Variants in SNX8 observed in about 807,000 individuals in gnomAD.
SNX8 encodes the protein sorting nexin-8.
A neutral mutation model predicts 51.6 loss-of-function variants in SNX8; 25 were observed. The observed-to-expected ratio is 0.48, with a 90% CI of 0.35 to 0.68. The LOEUF (loss-of-function observed/expected upper bound fraction) is 0.68. Among genes scored for constraint, SNX8 ranks in the 30% least tolerant of loss-of-function variants. The pLI is 0.00. For missense variants in SNX8, 695 were observed against 624.0 expected (o/e 1.11, Z -1.21); for synonymous variants, 324 against 277.0 (o/e 1.17, Z -1.68).
chr7:2,341,468 C>T (rs767673112), intron 1 of SNX8, among the ~76,000 whole-genome samples: 7 of 152,062 alleles, frequency 4.6e-5, no homozygotes, highest in Non-Finnish European at 7.4e-5. Flanking sequence ...TACTGCACTC[C>T]AGCCTGGGCA....
chr7:2,271,769 C>A, intron 4 of SNX8, 81 bp downstream of exon 4: 1 of 1,500,252 alleles, frequency 6.7e-7, no homozygotes, highest in Non-Finnish European at 9.0e-7. Flanking sequence ...GATAAGAAAC[C>A]ACACCTGAGA....
chr7:2,322,649 G>A (rs532442353), intron 1 of SNX8, among the ~76,000 whole-genome samples: 82 of 151,584 alleles, frequency 5.4e-4, no homozygotes, highest in African/African-American at 1.7e-3. Context: ...AGCCATAATC[G>A]CGCCACTGCA....
At chr7:2,345,220 T>A (rs755592508) in intron 1 of SNX8, among the ~76,000 whole-genome samples, 3 of 152,110 alleles carry the variant, frequency 2.0e-5, no homozygotes, top group Non-Finnish European at 2.9e-5. Flanking sequence ...GTGAAGTGAA[T>A]AAGAAATTGT....
chr7:2,301,786 C>G (rs1253509386), intron 1 of SNX8, among the ~76,000 whole-genome samples: 1 of 152,152 alleles, frequency 6.6e-6, no homozygotes, highest in East Asian at 1.9e-4. Flanking sequence ...GCTATCCAGG[C>G]CCTGCCTCCA....
chr7:2,344,641 G>A (rs2115248247), intron 1 of SNX8, among the ~76,000 whole-genome samples: 1 of 147,934 alleles, frequency 6.8e-6, no homozygotes, highest in African/African-American at 2.5e-5. Context: ...TAAAGTGGCT[G>A]GGTGTGGTGG....
intron 7 of SNX8, among the ~76,000 whole-genome samples, chr7:2,261,740 G>A (rs189923869): frequency 1.9e-4 from 29 of 152,236 alleles, no homozygotes; most frequent in African/African-American, 6.5e-4. Context: ...ACAGAAGCAC[G>A]GGGGCGGAAG....
At chr7:2,332,794 G>GGAGGGAAAGAA (rs1778761393) in intron 1 of SNX8, among the ~76,000 whole-genome samples, 1 of 146,910 alleles carries the variant, frequency 6.8e-6, no homozygotes, top group African/African-American at 2.5e-5. Flanking sequence ...AAAGAAGGAA[G>GGAGGGAAAGAA]GGAAGGAAGA....
At chr7:2,349,414 T>C (rs1317581195) in intron 1 of SNX8, among the ~76,000 whole-genome samples, 1 of 151,930 alleles carries the variant, frequency 6.6e-6, no homozygotes, top group African/African-American at 2.4e-5. Context: ...TAGTTTATTT[T>C]TTTCACCCTA....
At chr7:2,315,357 C>G (rs887843117), upstream of SNX8, among the ~76,000 whole-genome samples, 1 of 150,300 alleles carries the variant, frequency 6.7e-6, no homozygotes, top group Non-Finnish European at 1.5e-5. Context: ...TGCATTCACT[C>G]ATTCACTCAC....
intron 4 of SNX8, 42 bp from the exon 5 acceptor site, chr7:2,269,681 A>AGCTTTCTTGCT: frequency 1.4e-6 from 2 of 1,384,224 alleles, no homozygotes; most frequent in Non-Finnish European, 2.0e-6. Flanking sequence ...TTCTACTAGC[A>AGCTTTCTTGCT]GCAAGAAAGC....
At chr7:2,303,022 C>T (rs548881320) in intron 1 of SNX8, among the ~76,000 whole-genome samples, 72 of 151,884 alleles carry the variant, frequency 4.7e-4, no homozygotes, top group African/African-American at 1.6e-3. Context: ...GGGGTCAGCC[C>T]CCGCCAGGCC....
chr7:2,318,606 G>C (rs1177568816), upstream of SNX8, among the ~76,000 whole-genome samples: 2 of 151,606 alleles, frequency 1.3e-5, no homozygotes, highest in African/African-American at 4.8e-5. Context: ...TGAGGCAGGA[G>C]ATTGCTTGAA....
At chr7:2,313,240 A>G (rs1346819554) in intron 1 of SNX8, among the ~76,000 whole-genome samples, 1 of 151,900 alleles carries the variant, frequency 6.6e-6, no homozygotes, top group African/African-American at 2.4e-5. Context: ...AGAGAAATAC[A>G]AGAGGCCAGG....
chr7:2,284,494 C>G (rs10282554), intron 1 of SNX8, among the ~76,000 whole-genome samples: 1 of 150,364 alleles, frequency 6.7e-6, no homozygotes, highest in Non-Finnish European at 1.5e-5. Flanking sequence ...CTCCGCCTCC[C>G]GGGTTTAAGC....
At chr7:2,313,545 GAAAAGA>G (rs1796702181) in intron 1 of SNX8, among the ~76,000 whole-genome samples, 1 of 148,716 alleles carries the variant, frequency 6.7e-6, no homozygotes, top group Non-Finnish European at 1.5e-5. Context: ...AAAAAGAAAA[GAAAAGA>G]AAAAGAAAAA....
intron 1 of SNX8, among the ~76,000 whole-genome samples, chr7:2,283,797 T>C (rs1795961462): frequency 1.3e-5 from 2 of 152,214 alleles, no homozygotes; most frequent in Non-Finnish European, 2.9e-5. Flanking sequence ...ACTGGGAATC[T>C]GCTTTTTTTG....
intron 1 of SNX8, among the ~76,000 whole-genome samples, chr7:2,319,951 G>A (rs1260115490): frequency 6.6e-6 from 1 of 152,146 alleles, no homozygotes; most frequent in Non-Finnish European, 1.5e-5. Context: ...CTGCACTCCA[G>A]CCTGGGCAAC....
At chr7:2,268,533 C>A (rs1376898917) in intron 5 of SNX8, among the ~76,000 whole-genome samples, 1 of 146,034 alleles carries the variant, frequency 6.8e-6, no homozygotes, top group African/African-American at 2.5e-5. Context: ...CCAGCCGTGC[C>A]ATCCGGGAGG....
At chr7:2,293,989 C>T (rs372658136) in intron 1 of SNX8, among the ~76,000 whole-genome samples, 11 of 147,576 alleles carry the variant, frequency 7.5e-5, no homozygotes, top group African/African-American at 2.8e-4. Context: ...AGAGGCTGAG[C>T]GCAGTGGCTC....
Sources: allele counts gnomAD v4.1 joint callset (sites outside exome capture counted in the v4.1 genomes callset), GRCh38; gene constraint gnomAD v4.1.1; transcripts MANE v1.5; gene names NCBI Gene and HGNC (gene_info 2026-07-23, HGNC 2026-07-21).